LINGO2: variants seen among roughly 807,000 people sequenced by gnomAD.
The protein encoded by LINGO2 is leucine rich repeat and Ig domain containing 2, also known as leucine-rich repeat and immunoglobulin-like domain-containing nogo receptor-interacting protein 2.
Under a neutral mutation model 30.6 loss-of-function variants are expected in LINGO2, and 14 were observed. The ratio of observed to expected loss-of-function variants is 0.46; its 90% CI spans 0.30 to 0.72. The LOEUF (loss-of-function observed/expected upper bound fraction) is 0.72. Ranked by LOEUF, LINGO2 falls within the 30% of genes least tolerant of loss-of-function variation. The pLI is 0.07. For missense variants in LINGO2, 729 were observed against 751.7 expected, an observed-to-expected ratio of 0.97 and a Z score of 0.35; for synonymous variants, 317 against 288.5, an observed-to-expected ratio of 1.10 and a Z score of -1.00.
chr9:28,288,445 C>T (rs1823598199), intron 4 of LINGO2, among the ~76,000 whole-genome samples: 1 of 152,114 alleles, frequency 6.6e-6, no homozygotes. Context: ...AACAGTCCTT[C>T]ATCTTAATTT....
At chr9:29,110,559 CCTG>C in the LINGO2 span, among the ~76,000 whole-genome samples, 1 of 151,978 alleles carries the variant, frequency 6.6e-6, no homozygotes, top group African/African-American at 2.4e-5. Context: ...ATCTTGATCT[CCTG>C]ACCTCGTGAT....
At position 28,367,095 on chromosome 9, in the gene LINGO2, T is replaced by TATATATAACTATATATA. The variant is rs1369856169; in HGVS notation, c.-246+5740_-246+5741insTATATATAGTTATATAT. ...CTTCTCTATATAGTTGTATTATAAT[T>TATATATAACTATATATA]TTGGTTAAATCAAAAGTCAGCACAT... On this transcript the variant is annotated intron_variant, in intron 3 of 5. Transcript: ENST00000379992. Among the ~76,000 whole-genome samples the TATATATAACTATATATA allele has an allele frequency of 9.3e-3, 1,379 of 147,874 alleles. 14 individuals carry two copies. The highest frequency in any genetic ancestry group is 0.033 in the African/African-American group (1,295 of 39,776).
intron 1 of LINGO2, among the ~76,000 whole-genome samples, chr9:28,563,368 G>C (rs1032113864): frequency 6.6e-6 from 1 of 152,054 alleles, no homozygotes; most frequent in African/African-American, 2.4e-5. Flanking sequence ...TAGAATATCA[G>C]GGTTTCTGTA....
rs1006887544 is a variant in LINGO2 at position 28,329,226 on chromosome 9, C to T, written c.-245-33860G>A. On this transcript the variant is annotated intron_variant, in intron 3 of 5. Coordinates refer to ENST00000379992, the Ensembl canonical transcript of LINGO2. This position sits in a 1 kb window ranked among gnomAD's most constrained non-coding sequence, Gnocchi z 4.5. ...TTCCTAATAGTCTAATTGTGCTCAG[C>T]TCATTTTGCCTCTGTCCAAAAGTGG... Among the ~76,000 whole-genome samples the T allele has an allele frequency of 6.6e-6, 1 of 152,178 alleles. No homozygotes were observed. The highest frequency in any genetic ancestry group is 2.4e-5 in the African/African-American group (1 of 41,430).
chr9:29,005,639 C>T, the LINGO2 span, among the ~76,000 whole-genome samples: 19 of 152,142 alleles, frequency 1.2e-4, no homozygotes, highest in Admixed American at 7.9e-4. Flanking sequence ...GCTTCCAGGA[C>T]ACCCATGTAT....
intron 4 of LINGO2, among the ~76,000 whole-genome samples, chr9:28,172,487 T>G (rs1232366566): frequency 6.6e-6 from 1 of 152,110 alleles, no homozygotes; most frequent in Non-Finnish European, 1.5e-5. Flanking sequence ...GAAGAAAATA[T>G]CGTTATTGTC....
the LINGO2 span, among the ~76,000 whole-genome samples, chr9:28,952,576 C>A: frequency 1.3e-5 from 2 of 152,136 alleles, no homozygotes; most frequent in African/African-American, 4.8e-5. Flanking sequence ...CTAGAAACTG[C>A]GAGGACTTGC....
chr9:28,293,423 T>A (rs1338721389), intron 4 of LINGO2, among the ~76,000 whole-genome samples: 3 of 152,210 alleles, frequency 2.0e-5, no homozygotes, highest in Non-Finnish European at 4.4e-5. Flanking sequence ...TTACTTTTTC[T>A]TATTTTTCTT....
At chr9:29,183,093 A>G in the LINGO2 span, among the ~76,000 whole-genome samples, 7 of 152,186 alleles carry the variant, frequency 4.6e-5, no homozygotes, top group African/African-American at 1.7e-4. Flanking sequence ...TCATATTACC[A>G]GAAAGAAAAT....
the LINGO2 span, among the ~76,000 whole-genome samples, chr9:28,972,914 C>G: frequency 6.6e-6 from 1 of 152,102 alleles, no homozygotes; most frequent in Non-Finnish European, 1.5e-5. Context: ...CCAGGTCCCT[C>G]CCACAACACG....
intron 1 of LINGO2, among the ~76,000 whole-genome samples, chr9:28,529,289 T>C (rs2135423464): frequency 6.6e-6 from 1 of 152,296 alleles, no homozygotes; most frequent in African/African-American, 2.4e-5. Context: ...AGTGAGACTA[T>C]GATTAAATTT....
chr9:28,400,262 A>T (rs1442009605), intron 2 of LINGO2, among the ~76,000 whole-genome samples: 1 of 152,160 alleles, frequency 6.6e-6, no homozygotes, highest in Non-Finnish European at 1.5e-5. Flanking sequence ...GTCTCTTATG[A>T]TCTGTGGGAG....
chr9:29,092,335 T>C, the LINGO2 span, among the ~76,000 whole-genome samples: 3 of 151,816 alleles, frequency 2.0e-5, no homozygotes, highest in Admixed American at 2.0e-4. Flanking sequence ...TAATAAGATC[T>C]AAGACAAAGG....
chr9:28,029,058 T>C lies in LINGO2; in HGVS notation c.-86-16653A>G, dbSNP rs143759928. ...GCGGGGCTAGATGAGAGTGAGTATA[T>C]AAAAGACCATCTATGCAGAGAAATT... On this transcript the variant is annotated intron_variant, in intron 4 of 5. Coordinates refer to ENST00000379992, the Ensembl canonical transcript of LINGO2. 8.5e-3 allele frequency among the ~76,000 whole-genome samples: 1,291 copies of C among 152,278 alleles called. 9 individuals are homozygous for C. Among genetic ancestry groups the C allele is most frequent in the Non-Finnish European group, 0.013 (902 of 68,004 alleles).
the LINGO2 span, among the ~76,000 whole-genome samples, chr9:28,879,126 C>G: frequency 6.6e-6 from 1 of 152,164 alleles, no homozygotes; most frequent in Non-Finnish European, 1.5e-5. Context: ...AGCTGATACG[C>G]AACTTCAGCA....
the LINGO2 span, among the ~76,000 whole-genome samples, chr9:28,814,065 A>G: frequency 6.6e-6 from 1 of 152,216 alleles, no homozygotes; most frequent in African/African-American, 2.4e-5. Flanking sequence ...AATTCAGCTT[A>G]AAAGCACTCT....
At chr9:29,158,921 A>G in the LINGO2 span, among the ~76,000 whole-genome samples, 1 of 152,194 alleles carries the variant, frequency 6.6e-6, no homozygotes, top group Non-Finnish European at 1.5e-5. Flanking sequence ...CCCTGCAGTT[A>G]CACCTAAATG....
At chr9:28,538,234 C>CAATATAAAATAAAATAGG (rs1279965258) in intron 1 of LINGO2, among the ~76,000 whole-genome samples, 2 of 151,596 alleles carry the variant, frequency 1.3e-5, no homozygotes, top group Admixed American at 1.3e-4. Context: ...AAAAATAAAA[C>CAATATAAAATAAAATAGG]AATATAAAAT....
At chr9:28,133,671 T>C (rs1281102970) in intron 4 of LINGO2, among the ~76,000 whole-genome samples, 1 of 152,206 alleles carries the variant, frequency 6.6e-6, no homozygotes, top group Non-Finnish European at 1.5e-5. Flanking sequence ...TTCATAGAAC[T>C]CAGATTTCTT....
Sources: allele counts gnomAD v4.1 joint callset (sites outside exome capture counted in the v4.1 genomes callset), GRCh38; gene constraint gnomAD v4.1.1; non-coding constraint Gnocchi (gnomAD v3.1); transcripts MANE v1.5; gene names NCBI Gene and HGNC (gene_info 2026-07-23, HGNC 2026-07-21).